Variants in MLLT1 observed in about 807,000 individuals in gnomAD.
MLLT1 encodes MLLT1 super elongation complex subunit.
In MLLT1, 11 loss-of-function variants were observed where a neutral mutation model predicts 55.1. The ratio of observed to expected loss-of-function variants is 0.20; its 90% CI spans 0.13 to 0.33. The LOEUF is 0.33. MLLT1 is among the 10% of genes least tolerant of loss of function. The pLI is 1.00. For missense variants in MLLT1, 536 were observed against 760.6 expected, an observed-to-expected ratio of 0.70 and a Z score of 3.47; for synonymous variants, 323 against 320.1, an observed-to-expected ratio of 1.01 and a Z score of -0.10.
rs2090761582 is a variant in MLLT1, at chr19:6,210,925, G to A, written c.*2117C>T. On this transcript the variant is annotated 3_prime_UTR_variant, in exon 12 of 12. Coordinates refer to ENST00000252674, the MANE Select transcript of MLLT1 (RefSeq NM_005934.4). The surrounding 1 kb of genome is among the most constrained non-coding windows in gnomAD (Gnocchi z 4.6). ...GGCCTTCCGGCCAGAGGAGGTAACT[G>A]AGAACTGGGTTGGTGCTTCCGGAGG... The A allele has an allele frequency of 1.3e-5, 3 of 231,244 alleles. No homozygotes were observed. The highest frequency in any genetic ancestry group is 6.6e-5 in the African/African-American group (3 of 45,284). 14.3% of individuals were successfully genotyped at this position (231,244 alleles called of 1,614,324 possible). A position where few individuals can be genotyped will look rare whatever the true frequency, so the allele number is the denominator to read the frequency against.
At chr19:6,258,775 C>T (rs1329012546) in intron 3 of MLLT1, among the ~76,000 whole-genome samples, 1 of 152,232 alleles carries the variant, frequency 6.6e-6, no homozygotes, top group East Asian at 1.9e-4. Flanking sequence ...GAGCCACACT[C>T]GCCGGCGAAG....
At chr19:6,220,278 A>C (rs2090884940) in intron 6 of MLLT1, among the ~76,000 whole-genome samples, 1 of 152,230 alleles carries the variant, frequency 6.6e-6, no homozygotes, top group Non-Finnish European at 1.5e-5. Flanking sequence ...CTTCTTCACC[A>C]TAGCAGCCTG....
chr19:6,242,564 C>T (rs1018273278), intron 3 of MLLT1, among the ~76,000 whole-genome samples: 2 of 152,166 alleles, frequency 1.3e-5, no homozygotes, highest in African/African-American at 2.4e-5. Flanking sequence ...TCACACTTGG[C>T]CATTTCTAAC....
chr19:6,263,997 G>A (rs1164697175), intron 2 of MLLT1, among the ~76,000 whole-genome samples: 1 of 152,116 alleles, frequency 6.6e-6, no homozygotes, highest in African/African-American at 2.4e-5. Context: ...CTTCTCCCTG[G>A]GGTGACAGCA....
Position 6,229,060 on chromosome 19 carries a change from G to A in MLLT1, c.420+1510C>T, listed in dbSNP as rs1288821015. ...GGAAGCCGCCTCCCACAGGGAGCCA[G>A]GTCCTGGCTGCAGCCCAGAGCGGCC... is the stretch of plus-strand genomic sequence containing the variant. On this transcript the variant is annotated intron_variant, in intron 4 of 11. Transcript: ENST00000252674. This position sits in a 1 kb window ranked among gnomAD's most constrained non-coding sequence, Gnocchi z 5.2. 6.6e-6 allele frequency among the ~76,000 whole-genome samples: 1 copy of A among 152,204 alleles called. No individual in the cohort carries two copies.
In MLLT1 at chr19:6,229,954, G is replaced by A. The variant is rs1426954996; in HGVS notation, c.420+616C>T. ...AGGCTCTGTGGCCCTGGGCCCTGAA[G>A]GTGGCATTGCTGTTCTGTGACCAGG... On this transcript the variant is annotated intron_variant, in intron 4 of 11. Coordinates refer to ENST00000252674, the MANE Select transcript of MLLT1 (RefSeq NM_005934.4). This position sits in a 1 kb window ranked among gnomAD's most constrained non-coding sequence, Gnocchi z 5.2. Among the ~76,000 whole-genome samples, 3 of 152,134 alleles carry A rather than the reference G, an allele frequency of 2.0e-5. No homozygotes were observed. The highest frequency in any genetic ancestry group is 2.1e-4 in the South Asian group (1 of 4,834).
Position 6,230,496 on chromosome 19 carries a change from C to G in MLLT1, c.420+74G>C. 2 of 1,576,266 alleles carry G rather than the reference C, an allele frequency of 1.3e-6. No homozygotes were observed. The highest frequency in any genetic ancestry group is 8.6e-7 in the Non-Finnish European group (1 of 1,161,334). ...CGGCCCCCAGCACCGACACCTCTGG[C>G]TGGGCACAGACGGCCGCAGCAAAGT... On this transcript the variant is annotated intron_variant, in intron 4 of 11. Coordinates refer to ENST00000252674, the MANE Select transcript of MLLT1 (RefSeq NM_005934.4). The surrounding 1 kb of genome is among the most constrained non-coding windows in gnomAD (Gnocchi z 9.0).
At position 6,227,204 on chromosome 19, in the gene MLLT1, A is replaced by G. The variant is rs2090964341; in HGVS notation, c.421-102T>C. The G allele has an allele frequency of 7.9e-7, 1 of 1,260,834 alleles. No individual in the cohort carries two copies. Among genetic ancestry groups the G allele is most frequent in the Non-Finnish European group, 1.1e-6 (1 of 921,506 alleles). The allele number at this position is 1,260,834 out of a possible 1,614,324, so 78.1% of individuals were successfully genotyped here. A position where few individuals can be genotyped will look rare whatever the true frequency, so the allele number is the denominator to read the frequency against. On this transcript the variant is annotated intron_variant, in intron 4 of 11. Transcript: ENST00000252674. This position sits in a 1 kb window ranked among gnomAD's most constrained non-coding sequence, Gnocchi z 5.1. ...GGGCTTCCCTCTGCAGGAGGGGAGA[A>G]GGGAGAGCCTGAGCGCTTTCCCGAA...
Position 6,216,526 on chromosome 19 carries a change from G to T in MLLT1, c.1199-13C>A. 6.4e-7 allele frequency: 1 copy of T among 1,553,274 alleles called. No homozygotes were observed. Among genetic ancestry groups the T allele is most frequent in the Non-Finnish European group, 8.7e-7 (1 of 1,143,690 alleles). The stretch of plus-strand genomic sequence containing the variant: ...GAGCGCAGGGGTCCTGGGGAGGCGG[G>T]GCAGGGAGGGAGGGGAGACAAGGGC... On this transcript the variant is annotated splice_polypyrimidine_tract_variant and intron_variant, in intron 7 of 11. Coordinates refer to ENST00000252674, the MANE Select transcript of MLLT1 (RefSeq NM_005934.4).
chr19:6,266,450 AT>A (rs950726604), intron 2 of MLLT1, among the ~76,000 whole-genome samples: 1 of 151,808 alleles, frequency 6.6e-6, no homozygotes, highest in Non-Finnish European at 1.5e-5. Context: ...CGTCTTATAA[AT>A]TTTTTTTGTT....
rs1207961282 is a variant in MLLT1, at chr19:6,222,733, G to A, written c.547-49C>T. ...GCAAGGGGAGAGACAAGGTCACGTGGCATTGCGGGGCGCCCTGCTCCGCCA... is the reference window on the plus strand; with the variant it reads ...GCAAGGGGAGAGACAAGGTCACGTGACATTGCGGGGCGCCCTGCTCCGCCA... On this transcript the variant is annotated intron_variant, in intron 5 of 11. Coordinates refer to ENST00000252674, the MANE Select transcript of MLLT1 (RefSeq NM_005934.4). The surrounding 1 kb of genome is among the most constrained non-coding windows in gnomAD (Gnocchi z 4.1). 6.9e-7 allele frequency: 1 copy of A among 1,456,032 alleles called. No homozygotes were observed. The highest frequency in any genetic ancestry group is 1.4e-5 in the African/African-American group (1 of 70,214). 90.2% of individuals were successfully genotyped at this position (1,456,032 alleles called of 1,614,324 possible). A position where few individuals can be genotyped will look rare whatever the true frequency, so the allele number is the denominator to read the frequency against.
intron 1 of MLLT1, 58 bp downstream of exon 1, chr19:6,279,715 G>T (rs1388680411): frequency 2.1e-5 from 3 of 144,162 alleles, no homozygotes; most frequent in African/African-American, 7.5e-5. Context: ...GGCCGGGCGG[G>T]CCGGCGGGCG....
In MLLT1 at chr19:6,230,743, T is replaced by A; in HGVS notation, c.277-30A>T. 6.2e-7 allele frequency: 1 copy of A among 1,612,454 alleles called. No homozygotes were observed. The highest frequency in any genetic ancestry group is 8.5e-7 in the Non-Finnish European group (1 of 1,179,020). On this transcript the variant is annotated intron_variant, in intron 3 of 11. Transcript: ENST00000252674. This position sits in a 1 kb window ranked among gnomAD's most constrained non-coding sequence, Gnocchi z 9.0. The stretch of plus-strand genomic sequence containing the variant: ...AACAGAGAAAACAAGAAAGTCTGCA[T>A]CAGAGGGTGGCCGTGGTGCAGGGAC...
Position 6,222,166 on chromosome 19 carries a change from C to G in MLLT1, c.1065G>C (p.Glu355Asp), listed in dbSNP as rs750458757. ...CGTCCTCTGAGTTGGACTCCTCCAC[C>G]TCCAGGGCCTTTTTGGCCTCCCGGG... ...SEPREAKKAL[E>D]VEESNSEDEA... The change falls in exon 6 of 12, where the codon GAG becomes GAC. Residue 355 changes from glutamate to aspartate, a missense_variant. Glu to Asp is a conservative substitution (Grantham distance 45). Transcript: ENST00000252674. This position sits in a 1 kb window ranked among gnomAD's most constrained non-coding sequence, Gnocchi z 4.1. The G allele has an allele frequency of 3.8e-6, 6 of 1,577,034 alleles. No individual in the cohort carries two copies. The highest frequency in any genetic ancestry group is 3.7e-5 in the Admixed American group (2 of 54,420).
intron 6 of MLLT1, among the ~76,000 whole-genome samples, chr19:6,220,501 C>T (rs1045457181): frequency 2.6e-5 from 4 of 152,266 alleles, no homozygotes; most frequent in Non-Finnish European, 5.9e-5. Context: ...CAGCGGCGTC[C>T]GAGGTGGCAG....
At chr19:6,241,748 G>T (rs1230499171) in intron 3 of MLLT1, among the ~76,000 whole-genome samples, 1 of 152,218 alleles carries the variant, frequency 6.6e-6, no homozygotes, top group African/African-American at 2.4e-5. Flanking sequence ...CCACTTCAGG[G>T]AACAGAAGGA....
At chr19:6,277,092 G>A (rs938980863) in intron 1 of MLLT1, among the ~76,000 whole-genome samples, 3 of 152,204 alleles carry the variant, frequency 2.0e-5, no homozygotes, top group African/African-American at 4.8e-5. Flanking sequence ...GGTTCTGCTC[G>A]ATTCAAAGCA....
rs1278359356 is a variant in MLLT1 at position 6,226,603 on chromosome 19, A to G, written c.546+374T>C. Among the ~76,000 whole-genome samples, 3 of 152,130 alleles carry G rather than the reference A, an allele frequency of 2.0e-5. No homozygotes were observed. Among genetic ancestry groups the G allele is most frequent in the African/African-American group, 7.2e-5 (3 of 41,440 alleles). ...CCCCAGCTGCCCTCAGGAGGGTTGA[A>G]GAGGTGGGTAGCTGCAGCCTAGACA... is the stretch of plus-strand genomic sequence containing the variant. On this transcript the variant is annotated intron_variant, in intron 5 of 11. Coordinates refer to ENST00000252674, the MANE Select transcript of MLLT1 (RefSeq NM_005934.4). The surrounding 1 kb of genome is among the most constrained non-coding windows in gnomAD (Gnocchi z 6.3).
Position 6,270,481 on chromosome 19 carries a change from G to A in MLLT1, c.193+98C>T. The A allele has an allele frequency of 7.6e-7, 1 of 1,309,760 alleles. No individual in the cohort carries two copies. The allele number at this position is 1,309,760 out of a possible 1,614,324, so 81.1% of individuals were successfully genotyped here. On this transcript the variant is annotated intron_variant, in intron 2 of 11. Coordinates refer to ENST00000252674, the MANE Select transcript of MLLT1 (RefSeq NM_005934.4). This position sits in a 1 kb window ranked among gnomAD's most constrained non-coding sequence, Gnocchi z 7.1. ...CAAGCTGGAACCTCATGGTTGGAGG[G>A]GTCCTGCTGCTCCTGAGGGAGGGGT...
Sources: allele counts gnomAD v4.1 joint callset (sites outside exome capture counted in the v4.1 genomes callset), GRCh38; gene constraint gnomAD v4.1.1; non-coding constraint Gnocchi (gnomAD v3.1); transcripts MANE v1.5; gene names NCBI Gene and HGNC (gene_info 2026-07-23, HGNC 2026-07-21).